The following DOCK5 variants were observed in gnomAD, a reference collection of about 807,000 sequenced individuals.
The protein encoded by DOCK5 is dedicator of cytokinesis protein 5.
A neutral mutation model predicts 251.8 loss-of-function variants in DOCK5; 142 were observed. The observed-to-expected ratio is 0.56, with a 90% CI of 0.49 to 0.65. DOCK5 has a LOEUF of 0.65. Ranked by LOEUF, DOCK5 falls within the 30% of genes least tolerant of loss-of-function variation. The pLI, the probability that DOCK5 is intolerant of heterozygous loss-of-function variation, is 0.00. For missense variants in DOCK5, 2,111 were observed against 2,312.3 expected, an observed-to-expected ratio of 0.91 and a Z score of 1.79; for synonymous variants, 842 against 835.5, an observed-to-expected ratio of 1.01 and a Z score of -0.13.
intron 22 of DOCK5, among the ~76,000 whole-genome samples, chr8:25,337,585 C>CT (rs71549899): frequency 0.073 from 9,352 of 128,616 alleles, 730 homozygotes; most frequent in African/African-American, 0.19. Flanking sequence ...ATGATAGATT[C>CT]TTTTTTTTTT....
chr8:25,227,970 C>T (rs1802572344), intron 1 of DOCK5, among the ~76,000 whole-genome samples: 2 of 152,088 alleles, frequency 1.3e-5, no homozygotes, highest in East Asian at 3.9e-4. Context: ...CTGCAGCCTC[C>T]ACCTGCCAGG....
intron 1 of DOCK5, among the ~76,000 whole-genome samples, chr8:25,232,501 A>G (rs1368224455): frequency 6.6e-6 from 1 of 152,190 alleles, no homozygotes; most frequent in Non-Finnish European, 1.5e-5. Flanking sequence ...TTGGCAGCTC[A>G]AAGTCCAAGG....
intron 1 of DOCK5, among the ~76,000 whole-genome samples, chr8:25,231,413 A>G (rs1802665614): frequency 2.0e-5 from 3 of 152,166 alleles, no homozygotes. Flanking sequence ...TAGTCTTCAG[A>G]TTACTACACT....
At chr8:25,199,253 A>T (rs1445801767) in intron 1 of DOCK5, among the ~76,000 whole-genome samples, 1 of 152,202 alleles carries the variant, frequency 6.6e-6, no homozygotes, top group Non-Finnish European at 1.5e-5. Context: ...AGTAACCTGG[A>T]TGTGAGAGAA....
Position 25,294,404 on chromosome 8 carries a change from T to C in DOCK5, c.471-2109T>C, listed in dbSNP as rs192229249. On this transcript the variant is annotated intron_variant, in intron 6 of 51. Coordinates refer to ENST00000276440, the MANE Select transcript of DOCK5 (RefSeq NM_024940.8). ...TTCCCAAAGACTTGGCACATTGCAGTGTTATCCCTGAGCGGTCTTGCTCTT... is the reference window on the plus strand; with the variant it reads ...TTCCCAAAGACTTGGCACATTGCAGCGTTATCCCTGAGCGGTCTTGCTCTT... 4.5e-3 allele frequency among the ~76,000 whole-genome samples: 686 copies of C among 152,312 alleles called. 6 individuals are homozygous for C. Among genetic ancestry groups the C allele is most frequent in the Middle Eastern group, 0.017 (5 of 294 alleles).
chr8:25,213,464 T>A (rs780802435), intron 1 of DOCK5, among the ~76,000 whole-genome samples: 3 of 151,884 alleles, frequency 2.0e-5, no homozygotes, highest in Non-Finnish European at 4.4e-5. Context: ...TCTGGTAGTG[T>A]CCCCTTTTTG....
chr8:25,302,179 A>G, intron 9 of DOCK5, 146 bp from the exon 10 acceptor site: 1 of 1,195,642 alleles, frequency 8.4e-7, no homozygotes, highest in Non-Finnish European at 1.1e-6. Context: ...TTGGATGGAG[A>G]TGGGGGAGAA....
chr8:25,364,208 A>G (rs558106150), intron 29 of DOCK5, among the ~76,000 whole-genome samples: 2 of 152,332 alleles, frequency 1.3e-5, no homozygotes, highest in South Asian at 4.1e-4. Context: ...TCTACATGAT[A>G]CCCAATTCTG....
intron 1 of DOCK5, among the ~76,000 whole-genome samples, chr8:25,217,283 A>T (rs1207259865): frequency 6.6e-6 from 1 of 151,436 alleles, no homozygotes; most frequent in Non-Finnish European, 1.5e-5. Context: ...ATATATGCAT[A>T]TATACACACA....
intron 16 of DOCK5, 91 bp downstream of exon 16, chr8:25,321,143 T>G (rs1407009299): frequency 9.1e-7 from 1 of 1,098,560 alleles, no homozygotes; most frequent in East Asian, 2.5e-5. Flanking sequence ...AACAAGATAT[T>G]TGGAAACTAG....
chr8:25,410,981 G>GCA lies in DOCK5; in HGVS notation c.5509-212_5509-211insAC, dbSNP rs1208955931. Among the ~76,000 whole-genome samples the GCA allele has an allele frequency of 1.4e-4, 18 of 131,100 alleles. 1 individual carries two copies. The highest frequency in any genetic ancestry group is 5.1e-4 in the African/African-American group (17 of 33,312). The allele number at this position is 131,100 out of a possible 152,430, so 86.0% of individuals were successfully genotyped here. Reference sequence around the variant, plus strand: ...TGTGTGTGTGTGTGTGTGCGCGCGCGCGCACGCACGCACGCACGCACGCGT... The same window carrying GCA: ...TGTGTGTGTGTGTGTGTGCGCGCGCGCACGCACGCACGCACGCACGCACGCGT... On this transcript the variant is annotated intron_variant, in intron 51 of 51. Coordinates refer to ENST00000276440, the MANE Select transcript of DOCK5 (RefSeq NM_024940.8).
chr8:25,302,243 T>C, intron 9 of DOCK5, 82 bp from the exon 10 acceptor site: 1 of 1,483,312 alleles, frequency 6.7e-7, no homozygotes. Context: ...CAGGATTTTG[T>C]TGTAGAGGGT....
chr8:25,195,415 A>G (rs1483076373), intron 1 of DOCK5, among the ~76,000 whole-genome samples: 3 of 152,126 alleles, frequency 2.0e-5, no homozygotes, highest in Non-Finnish European at 2.9e-5. Flanking sequence ...TAAAGGCAAG[A>G]ACCTGACATT....
Position 25,302,415 on chromosome 8 carries a change from A to G in DOCK5, c.937A>G (p.Lys313Glu). 6.3e-7 allele frequency: 1 copy of G among 1,597,236 alleles called. No individual in the cohort carries two copies. ...VGHMELKEGK[K>E]HTCGLRRPFG... Reference sequence around the variant, plus strand: ...CCATATGGAGCTGAAGGAAGGCAAGAAGCACACCTGTGGACTCCGAAGACC... The same window carrying G: ...CCATATGGAGCTGAAGGAAGGCAAGGAGCACACCTGTGGACTCCGAAGACC... Residue 313 changes from lysine (K) to glutamate (E), a missense_variant, in exon 10 of 52, where the codon AAG becomes GAG. By Grantham distance (56) the Lys-to-Glu change is moderately conservative (BLOSUM62 1). This residue lies in a region of DOCK5 where 59 missense variants were observed against 95.0 expected (regional missense o/e 0.62). Transcript: ENST00000276440.
chr8:25,379,607 C>T (rs559321384), intron 38 of DOCK5, among the ~76,000 whole-genome samples: 4 of 152,116 alleles, frequency 2.6e-5, no homozygotes, highest in Admixed American at 6.5e-5. Context: ...TCATAGTGGT[C>T]CTGAGGTGAC....
intron 1 of DOCK5, among the ~76,000 whole-genome samples, chr8:25,191,895 C>G (rs1801590942): frequency 6.6e-6 from 1 of 150,384 alleles, no homozygotes; most frequent in Non-Finnish European, 1.5e-5. Context: ...TTAGTTATAT[C>G]TCCTAATGCT....
chr8:25,339,862 C>G (rs1010305032), intron 22 of DOCK5, among the ~76,000 whole-genome samples: 1 of 152,182 alleles, frequency 6.6e-6, no homozygotes, highest in Non-Finnish European at 1.5e-5. Flanking sequence ...ATCATCTCAT[C>G]TCCCACATGG....
intron 1 of DOCK5, among the ~76,000 whole-genome samples, chr8:25,205,295 C>G (rs1222127407): frequency 2.0e-5 from 3 of 152,116 alleles, no homozygotes; most frequent in Non-Finnish European, 4.4e-5. Context: ...CTCTTTCTCT[C>G]TCTATGCTAT....
At position 25,374,638 on chromosome 8, in the gene DOCK5, A is replaced by G; in HGVS notation, c.3800A>G (p.His1267Arg). Residue 1267 changes from histidine (H) to arginine (R), a missense_variant, in exon 37 of 52, where the codon CAC becomes CGC. Around this residue, in one of 3 missense-constraint regions of DOCK5, gnomAD observed 1,717 missense variants for 1,892.4 expected, o/e 0.91. Transcript: ENST00000276440. ...YTEAAYTLLL[H>R]AELLQWSDKP... Reference sequence around the variant, plus strand: ...GAAGCTGCCTACACGCTTCTCTTGCACGCTGAGCTTCTGCAGGTGAATGGC... The same window carrying G: ...GAAGCTGCCTACACGCTTCTCTTGCGCGCTGAGCTTCTGCAGGTGAATGGC... 6.2e-7 allele frequency: 1 copy of G among 1,613,912 alleles called. No individual in the cohort carries two copies. Among genetic ancestry groups the G allele is most frequent in the Non-Finnish European group, 8.5e-7 (1 of 1,179,860 alleles).
Sources: gnomAD v4.1 joint callset for allele counts (sites outside exome capture counted in the v4.1 genomes callset) on GRCh38, gnomAD v4.1.1 for gene constraint, gnomAD v4.1.1 regional missense constraint, MANE v1.5 for transcripts, NCBI Gene and HGNC (gene_info 2026-07-23, HGNC 2026-07-21) for gene names.